The following ATRNL1 variants were observed in gnomAD, a reference collection of about 807,000 sequenced individuals.
ATRNL1 encodes attractin like 1, also known as attractin-like protein 1.
Under a neutral mutation model 182.7 loss-of-function variants are expected in ATRNL1, and 95 were observed. The observed-to-expected ratio is 0.52, with a 90% confidence interval of 0.44 to 0.62. ATRNL1 has a LOEUF of 0.62. Among genes scored for constraint, ATRNL1 ranks in the 20% least tolerant of loss-of-function variants. The probability of loss-of-function intolerance (pLI) is 0.00; values close to 1 mark genes in which losing one functional copy is unlikely to be tolerated. For missense variants in ATRNL1, 1,471 were observed against 1,679.5 expected, an observed-to-expected ratio of 0.88 and a Z score of 2.17; for synonymous variants, 576 against 568.3, an observed-to-expected ratio of 1.01 and a Z score of -0.19.
chr10:115,536,988 A>G (rs1236423819), intron 25 of ATRNL1, among the ~76,000 whole-genome samples: 4 of 152,144 alleles, frequency 2.6e-5, no homozygotes, highest in African/African-American at 7.2e-5. Context: ...AAATAAGATT[A>G]TGATGATGGA....
At chr10:115,680,508 G>A (rs1410576536) in intron 26 of ATRNL1, among the ~76,000 whole-genome samples, 1 of 152,122 alleles carries the variant, frequency 6.6e-6, no homozygotes, top group Non-Finnish European at 1.5e-5. Flanking sequence ...TGAAATATTT[G>A]GTGAGCATTG....
intron 11 of ATRNL1, among the ~76,000 whole-genome samples, chr10:115,266,374 A>C (rs1851608768): frequency 6.6e-6 from 1 of 151,732 alleles, no homozygotes; most frequent in African/African-American, 2.4e-5. Context: ...TCTAGATAGC[A>C]GTTCTAAAGT....
intron 26 of ATRNL1, among the ~76,000 whole-genome samples, chr10:115,568,129 G>A (rs1854173228): frequency 6.6e-6 from 1 of 152,046 alleles, no homozygotes; most frequent in South Asian, 2.1e-4. Context: ...ATGTAGGTAC[G>A]TAGAATCATG....
At chr10:115,458,892 C>A (rs560878112) in intron 21 of ATRNL1, among the ~76,000 whole-genome samples, 1 of 152,128 alleles carries the variant, frequency 6.6e-6, no homozygotes, top group Non-Finnish European at 1.5e-5. Context: ...TGCAGCCCTA[C>A]TTTTTGTTGT....
intron 9 of ATRNL1, among the ~76,000 whole-genome samples, chr10:115,227,571 C>T (rs1554898933): frequency 6.6e-6 from 1 of 152,072 alleles, no homozygotes; most frequent in Non-Finnish European, 1.5e-5. Flanking sequence ...GGTATATGCA[C>T]AAAGGGAAAT....
rs1554874522 is a variant in ATRNL1 at position 115,129,496 on chromosome 10, A to C, written c.790A>C (p.Thr264Pro). 1 of 1,614,144 alleles carries C rather than the reference A, an allele frequency of 6.2e-7. No individual in the cohort carries two copies. The highest frequency in any genetic ancestry group is 2.2e-5 in the East Asian group (1 of 44,868). Residue 264 changes from threonine to proline, a missense_variant, in exon 5 of 29, where the codon ACT (threonine) becomes CCT (proline). Around this residue, in one of 3 missense-constraint regions of ATRNL1, gnomAD observed 1,031 missense variants for 1,156.0 expected, o/e 0.89. Transcript: ENST00000355044. Reference sequence around the variant, plus strand: ...TCCAGATCACGGTTACTGTGACCTGACTGGAGAAAAATTATGTGTCTGCAA... The same window carrying C: ...TCCAGATCACGGTTACTGTGACCTGCCTGGAGAAAAATTATGTGTCTGCAA... ...GSPDHGYCDL[T>P]GEKLCVCNDS...
At chr10:115,314,831 A>T (rs1854213211) in intron 17 of ATRNL1, among the ~76,000 whole-genome samples, 1 of 152,220 alleles carries the variant, frequency 6.6e-6, no homozygotes, top group Non-Finnish European at 1.5e-5. Flanking sequence ...AACCAACAAC[A>T]ACAAAGGTTG....
intron 26 of ATRNL1, among the ~76,000 whole-genome samples, chr10:115,722,832 A>G (rs563604725): frequency 1.3e-5 from 2 of 152,272 alleles, no homozygotes; most frequent in African/African-American, 4.8e-5. Flanking sequence ...TTGATTTGCA[A>G]GACAGGTCCA....
intron 27 of ATRNL1, among the ~76,000 whole-genome samples, chr10:115,804,035 T>A (rs1246537717): frequency 2.0e-5 from 3 of 152,230 alleles, no homozygotes; most frequent in Non-Finnish European, 4.4e-5. Context: ...CATATGAGAA[T>A]GTCACATAAT....
intron 28 of ATRNL1, among the ~76,000 whole-genome samples, chr10:115,939,427 C>T (rs1223242991): frequency 6.6e-6 from 1 of 152,150 alleles, no homozygotes; most frequent in Non-Finnish European, 1.5e-5. Flanking sequence ...ATCTAAATGT[C>T]ATAGTGTCTG....
In ATRNL1 at chr10:115,487,251, G is replaced by A. The variant is rs192373027; in HGVS notation, c.3654+17922G>A. 9.3e-4 allele frequency among the ~76,000 whole-genome samples: 141 copies of A among 152,178 alleles called. 1 individual carries two copies. Among genetic ancestry groups the A allele is most frequent in the Non-Finnish European group, 1.8e-3 (125 of 67,986 alleles). On this transcript the variant is annotated intron_variant, in intron 24 of 28. Coordinates refer to ENST00000355044, the MANE Select transcript of ATRNL1 (RefSeq NM_207303.4). Reference sequence around the variant, plus strand: ...TTTTTAGTCCCATATGAAATTTAAAGTAGTTTTTTTTTCCAGTTCTGTGAA... The same window carrying A: ...TTTTTAGTCCCATATGAAATTTAAAATAGTTTTTTTTTCCAGTTCTGTGAA...
At chr10:115,349,702 C>G (rs568660054) in intron 19 of ATRNL1, among the ~76,000 whole-genome samples, 3 of 152,234 alleles carry the variant, frequency 2.0e-5, no homozygotes, top group Non-Finnish European at 4.4e-5. Flanking sequence ...CTGATTATTA[C>G]TGATGTTGAA....
At chr10:115,911,672 C>T (rs1952682908) in intron 28 of ATRNL1, among the ~76,000 whole-genome samples, 1 of 152,120 alleles carries the variant, frequency 6.6e-6, no homozygotes, top group African/African-American at 2.4e-5. Context: ...AGGCAATTGA[C>T]TTATCTAAAG....
intron 26 of ATRNL1, among the ~76,000 whole-genome samples, chr10:115,575,838 C>T (rs1457809853): frequency 6.6e-6 from 1 of 151,976 alleles, no homozygotes; most frequent in Non-Finnish European, 1.5e-5. Flanking sequence ...TACATCAGAT[C>T]TCTATAATTA....
chr10:115,746,725 A>C (rs1483169318), intron 27 of ATRNL1, among the ~76,000 whole-genome samples: 1 of 152,064 alleles, frequency 6.6e-6, no homozygotes, highest in Admixed American at 6.6e-5. Flanking sequence ...ATTAAGAATA[A>C]AAGGAGGAAA....
intron 26 of ATRNL1, among the ~76,000 whole-genome samples, chr10:115,724,339 G>A (rs1947529106): frequency 6.6e-6 from 1 of 152,096 alleles, no homozygotes; most frequent in Non-Finnish European, 1.5e-5. Context: ...TTAAAAGGGA[G>A]ACTAGTAGAG....
chr10:115,102,121 G>A (rs1217482219), intron 1 of ATRNL1, among the ~76,000 whole-genome samples: 1 of 151,926 alleles, frequency 6.6e-6, no homozygotes, highest in Non-Finnish European at 1.5e-5. Context: ...TTATAATTTT[G>A]TATTTACCTG....
At position 115,180,428 on chromosome 10, in the gene ATRNL1, G is replaced by T. The variant is rs1381478926; in HGVS notation, c.1348+9136G>T. Among the ~76,000 whole-genome samples, 8 of 151,420 alleles carry T rather than the reference G, an allele frequency of 5.3e-5. No homozygotes were observed. In the East Asian group the frequency reaches 1.6e-3, roughly 29 times the overall value. ...CTGCAGTTAACTTCTTTATATTTCT[G>T]TATTTTATTTGTTGTATAACTCTAC... On this transcript the variant is annotated intron_variant, in intron 8 of 28. Coordinates refer to ENST00000355044, the MANE Select transcript of ATRNL1 (RefSeq NM_207303.4).
intron 27 of ATRNL1, among the ~76,000 whole-genome samples, chr10:115,751,950 G>T (rs544806331): frequency 1.3e-5 from 2 of 152,112 alleles, no homozygotes; most frequent in South Asian, 4.1e-4. Flanking sequence ...AGGAAATAGG[G>T]ATGGTAGGTA....
Sources: allele counts gnomAD v4.1 joint callset (sites outside exome capture counted in the v4.1 genomes callset), GRCh38; gene constraint gnomAD v4.1.1; regional missense constraint gnomAD v4.1.1; transcripts MANE v1.5; gene names NCBI Gene and HGNC (gene_info 2026-07-23, HGNC 2026-07-21).